FAF1: variants seen among roughly 807,000 people sequenced by gnomAD.
The protein encoded by FAF1 is FAS-associated factor 1.
A neutral mutation model predicts 92.5 loss-of-function variants in FAF1; 25 were observed. The ratio of observed to expected loss-of-function variants is 0.27; its 90% CI spans 0.20 to 0.38. The LOEUF (loss-of-function observed/expected upper bound fraction) is 0.38, where lower values mean the gene tolerates loss of function less well. Ranked by LOEUF, FAF1 falls within the 10% of genes least tolerant of loss-of-function variation. The probability of loss-of-function intolerance (pLI) is 1.00; values close to 1 mark genes in which losing one functional copy is unlikely to be tolerated. For missense variants in FAF1, 636 were observed against 793.3 expected, an observed-to-expected ratio of 0.80 and a Z score of 2.38; for synonymous variants, 234 against 273.2, an observed-to-expected ratio of 0.86 and a Z score of 1.42.
At chr1:50,600,411 G>A (rs1406587599) in intron 8 of FAF1, among the ~76,000 whole-genome samples, 3 of 152,102 alleles carry the variant, frequency 2.0e-5, no homozygotes, top group Non-Finnish European at 2.9e-5. Context: ...GCAGACCAAT[G>A]TATCTTACTG....
At chr1:50,554,390 T>TATATATAGAGAG in intron 13 of FAF1, among the ~76,000 whole-genome samples, 37 of 93,686 alleles carry the variant, frequency 3.9e-4, no homozygotes, top group African/African-American at 8.0e-4. Context: ...TATATATATA[T>TATATATAGAGAG]AGAGAGAGAG....
chr1:50,853,954 C>T (rs1644371893), intron 2 of FAF1, among the ~76,000 whole-genome samples: 1 of 151,992 alleles, frequency 6.6e-6, no homozygotes, highest in South Asian at 2.1e-4. Context: ...AGAAATACTT[C>T]ATATATCATG....
chr1:50,789,422 C>A (rs941856226), intron 3 of FAF1, among the ~76,000 whole-genome samples: 49 of 152,210 alleles, frequency 3.2e-4, no homozygotes, highest in African/African-American at 1.1e-3. Context: ...TCAAGTCTGA[C>A]CCTCCTCCAT....
At chr1:50,887,476 C>T (rs1644677354) in intron 1 of FAF1, among the ~76,000 whole-genome samples, 1 of 152,108 alleles carries the variant, frequency 6.6e-6, no homozygotes, top group African/African-American at 2.4e-5. Flanking sequence ...AATGGTATTG[C>T]CTACATTTTC....
intron 7 of FAF1, among the ~76,000 whole-genome samples, chr1:50,687,131 A>C (rs994196301): frequency 6.6e-6 from 1 of 152,062 alleles, no homozygotes; most frequent in Admixed American, 6.6e-5. Context: ...GCCCGACCTG[A>C]AACTTGGCAT....
intron 13 of FAF1, among the ~76,000 whole-genome samples, chr1:50,559,250 CAA>C (rs545233560): frequency 2.1e-4 from 22 of 102,376 alleles, no homozygotes; most frequent in African/African-American, 3.6e-4. Flanking sequence ...GACTCCGTCT[CAA>C]AAAAAAAAAA....
chr1:50,848,023 A>C (rs1644316847), intron 2 of FAF1, among the ~76,000 whole-genome samples: 1 of 152,196 alleles, frequency 6.6e-6, no homozygotes, highest in Non-Finnish European at 1.5e-5. Flanking sequence ...ATGAAGAAAT[A>C]AAAACTTCCC....
At chr1:50,451,859 T>A (rs777401397) in intron 18 of FAF1, 18 of 1,018,824 alleles carry the variant, frequency 1.8e-5, no homozygotes, top group Non-Finnish European at 2.1e-5. Context: ...TTAGATGGAC[T>A]GTTTAGTGAA....
At chr1:50,468,155 G>T (rs949941145) in intron 18 of FAF1, among the ~76,000 whole-genome samples, 1 of 152,108 alleles carries the variant, frequency 6.6e-6, no homozygotes, top group Admixed American at 6.5e-5. Context: ...GCTGCAGTGA[G>T]CTATAATTGT....
chr1:50,540,851 A>G (rs938214607), intron 13 of FAF1, among the ~76,000 whole-genome samples: 3 of 152,218 alleles, frequency 2.0e-5, no homozygotes, highest in Non-Finnish European at 4.4e-5. Context: ...AAAAGGCAAA[A>G]CAGTGGAAAT....
chr1:50,832,861 G>A (rs1644166499), intron 2 of FAF1, among the ~76,000 whole-genome samples: 1 of 151,958 alleles, frequency 6.6e-6, no homozygotes, highest in South Asian at 2.1e-4. Flanking sequence ...TGAAGCTAAG[G>A]CAGAAATAAA....
intron 13 of FAF1, among the ~76,000 whole-genome samples, chr1:50,566,286 G>A (rs61781020): frequency 0.036 from 5,491 of 151,994 alleles, 159 homozygotes; most frequent in Non-Finnish European, 0.051. Context: ...TTCTATAATC[G>A]TTTAAATTAG....
At chr1:50,825,414 T>C (rs757377652) in intron 2 of FAF1, among the ~76,000 whole-genome samples, 14 of 152,044 alleles carry the variant, frequency 9.2e-5, no homozygotes, top group Non-Finnish European at 2.1e-4. Flanking sequence ...TCCTATGTAA[T>C]ACAAGACATA....
intron 1 of FAF1, among the ~76,000 whole-genome samples, chr1:50,874,754 C>CTT (rs1644556113): frequency 2.0e-5 from 2 of 100,772 alleles, no homozygotes; most frequent in African/African-American, 7.2e-5. Flanking sequence ...ATTTTCTTTT[C>CTT]TTTCTTTTTT....
At chr1:50,819,638 T>TCACACTCACACACA (rs1644013732) in intron 2 of FAF1, among the ~76,000 whole-genome samples, 1 of 97,822 alleles carries the variant, frequency 1.0e-5, no homozygotes, top group Non-Finnish European at 2.0e-5. Flanking sequence ...ACTGACTCAC[T>TCACACTCACACACA]CACACACACA....
chr1:50,688,010 C>T (rs1184963415), intron 7 of FAF1, among the ~76,000 whole-genome samples: 1 of 151,882 alleles, frequency 6.6e-6, no homozygotes, highest in Non-Finnish European at 1.5e-5. Context: ...TGGCAGGCAC[C>T]TGTAATCCCA....
chr1:50,805,211 T>C (rs115973355), intron 2 of FAF1, among the ~76,000 whole-genome samples: 207 of 152,318 alleles, frequency 1.4e-3, no homozygotes, highest in Non-Finnish European at 2.3e-3. Flanking sequence ...GTAATGTATT[T>C]TAAGAAGAAC....
intron 4 of FAF1, among the ~76,000 whole-genome samples, chr1:50,782,310 A>C (rs1294310803): frequency 1.3e-5 from 2 of 152,266 alleles, no homozygotes; most frequent in East Asian, 3.9e-4. Flanking sequence ...CCAGTAGGAC[A>C]AGATGTGGAA....
intron 2 of FAF1, among the ~76,000 whole-genome samples, chr1:50,850,590 A>T (rs1644340074): frequency 6.6e-6 from 1 of 152,122 alleles, no homozygotes; most frequent in Non-Finnish European, 1.5e-5. Context: ...TAATATAAAA[A>T]TATAAAATAT....
Sources: allele counts gnomAD v4.1 joint callset (sites outside exome capture counted in the v4.1 genomes callset), GRCh38; gene constraint gnomAD v4.1.1; transcripts MANE v1.5; gene names NCBI Gene and HGNC (gene_info 2026-07-23, HGNC 2026-07-21).